The following LRRC7 variants were observed in gnomAD, a reference collection of about 807,000 sequenced individuals.
LRRC7 encodes the protein leucine rich repeat containing 7.
A neutral mutation model predicts 175.7 loss-of-function variants in LRRC7; 23 were observed. The ratio of observed to expected loss-of-function variants is 0.13; its 90% CI spans 0.09 to 0.19. The LOEUF is 0.19. LRRC7 is among the 10% of genes least tolerant of loss of function. The pLI, the probability that LRRC7 is intolerant of heterozygous loss-of-function variation, is 1.00. For missense variants in LRRC7, 1,354 were observed against 1,904.7 expected (o/e 0.71, Z 5.38); for synonymous variants, 685 against 680.9 (o/e 1.01, Z -0.09).
chr1:69,914,940 A>G (rs1469715788), intron 7 of LRRC7, among the ~76,000 whole-genome samples: 2 of 152,202 alleles, frequency 1.3e-5, no homozygotes, highest in African/African-American at 4.8e-5. Context: ...AGTGAACTGT[A>G]GAGCACATAT....
At chr1:69,682,671 T>C (rs758929431) in intron 2 of LRRC7, among the ~76,000 whole-genome samples, 1 of 152,134 alleles carries the variant, frequency 6.6e-6, no homozygotes, top group Non-Finnish European at 1.5e-5. Flanking sequence ...ATCTACCAAA[T>C]CTGCCAACAT....
chr1:69,655,546 T>C (rs1656486594), intron 1 of LRRC7, among the ~76,000 whole-genome samples: 1 of 152,100 alleles, frequency 6.6e-6, no homozygotes, highest in Non-Finnish European at 1.5e-5. Context: ...AGACTCCTAG[T>C]AACTTTGGCT....
At position 70,038,681 on chromosome 1, in the gene LRRC7, C is replaced by A. The variant is rs560442756; in HGVS notation, c.2857C>A (p.Arg953Ser). Residue 953 changes from arginine (R) to serine (S), a missense_variant, in exon 21 of 27, where the codon CGC becomes AGC. Arg to Ser is a moderately radical substitution (Grantham distance 110, BLOSUM62 -1). This residue lies in a region of LRRC7 where 1,032 missense variants were observed against 1,227.2 expected (regional missense o/e 0.84). Transcript: ENST00000651989. ...TAATGTCTTTTCTCAAATCCACTGC[C>A]GCCCGGAATCTTCTAAAGGTGTTAT... Reference protein sequence around the residue: ...LSNVFSQIHCRPESSKGVISI... With the variant: ...LSNVFSQIHCSPESSKGVISI... The A allele has an allele frequency of 1.2e-6, 2 of 1,614,076 alleles. No individual in the cohort carries two copies. Among genetic ancestry groups the A allele is most frequent in the South Asian group, 1.1e-5 (1 of 91,064 alleles).
chr1:69,815,096 T>C (rs1678429287), intron 4 of LRRC7, among the ~76,000 whole-genome samples: 1 of 152,156 alleles, frequency 6.6e-6, no homozygotes, highest in African/African-American at 2.4e-5. Flanking sequence ...ACTGATGCAA[T>C]CTAGACTGTG....
intron 25 of LRRC7, among the ~76,000 whole-genome samples, chr1:70,095,335 G>A (rs1664310553): frequency 6.6e-6 from 1 of 152,110 alleles, no homozygotes; most frequent in East Asian, 1.9e-4. Flanking sequence ...GATTACTTCA[G>A]CTGCATCTTA....
intron 26 of LRRC7, among the ~76,000 whole-genome samples, chr1:70,111,317 T>C (rs1665512331): frequency 6.6e-6 from 1 of 152,224 alleles, no homozygotes; most frequent in African/African-American, 2.4e-5. Flanking sequence ...ATGATGTTAA[T>C]TAAAACACAT....
At chr1:70,106,266 A>G (rs1235326802) in intron 25 of LRRC7, among the ~76,000 whole-genome samples, 1 of 152,170 alleles carries the variant, frequency 6.6e-6, no homozygotes, top group Non-Finnish European at 1.5e-5. Context: ...CATTTTTACT[A>G]TATACAAAAA....
intron 2 of LRRC7, among the ~76,000 whole-genome samples, chr1:69,679,679 G>A (rs977439391): frequency 1.3e-5 from 2 of 152,040 alleles, no homozygotes; most frequent in African/African-American, 2.4e-5. Context: ...GAAACACTTC[G>A]GGGTTTCTTC....
At chr1:70,004,183 C>T (rs544972889) in intron 11 of LRRC7, among the ~76,000 whole-genome samples, 25 of 152,106 alleles carry the variant, frequency 1.6e-4, no homozygotes, top group Non-Finnish European at 3.1e-4. Context: ...AATGCGTTTT[C>T]GTCATACTTT....
chr1:69,672,536 A>C (rs1659225410), intron 1 of LRRC7, among the ~76,000 whole-genome samples: 1 of 152,232 alleles, frequency 6.6e-6, no homozygotes, highest in Non-Finnish European at 1.5e-5. Flanking sequence ...TAAAATACAG[A>C]TGACATGGAT....
rs1386839910 is a variant in LRRC7, at chr1:69,647,819, T to C, written c.3-30562T>C. 2.6e-5 allele frequency among the ~76,000 whole-genome samples: 4 copies of C among 152,258 alleles called. No individual in the cohort carries two copies. In the East Asian group the frequency reaches 7.7e-4, roughly 29 times the overall value. On this transcript the variant is annotated intron_variant, in intron 1 of 26. Coordinates refer to ENST00000651989, the MANE Select transcript of LRRC7 (RefSeq NM_001370785.2). ...GACTACATGCTACATATGGGATGATTTTTTCAATTGATATATTATTTTATT... is the reference window on the plus strand; with the variant it reads ...GACTACATGCTACATATGGGATGATCTTTTCAATTGATATATTATTTTATT...
rs555408190 is a variant in LRRC7 at position 69,657,035 on chromosome 1, G to A, written c.3-21346G>A. ...ACAAGACATAAATATTTAATGAGAA[G>A]CAAAACATTATAATGTTTCATTTTA... On this transcript the variant is annotated intron_variant, in intron 1 of 26. Transcript: ENST00000651989. 2.6e-4 allele frequency among the ~76,000 whole-genome samples: 39 copies of A among 151,816 alleles called. No individual in the cohort carries two copies. In the South Asian group the frequency reaches 5.8e-3, roughly 23 times the overall value.
At chr1:69,635,793 A>G (rs955302858) in intron 1 of LRRC7, among the ~76,000 whole-genome samples, 5 of 151,980 alleles carry the variant, frequency 3.3e-5, no homozygotes, top group African/African-American at 1.2e-4. Context: ...GCAATTAAAG[A>G]TATATCAAAA....
In LRRC7 at chr1:70,106,915, C is replaced by A. The variant is rs114602856; in HGVS notation, c.4546-837C>A. Among the ~76,000 whole-genome samples, 978 of 152,284 alleles carry A rather than the reference C, an allele frequency of 6.4e-3. 4 individuals are homozygous for A. The highest frequency in any genetic ancestry group is 0.01 in the Non-Finnish European group (687 of 68,012). On this transcript the variant is annotated intron_variant, in intron 25 of 26. Transcript: ENST00000651989. ...ACACACAAATATAAGCTGGGTGCAA[C>A]ATATTTTTACAATCTGTTATACCTC...
chr1:70,090,919 A>G (rs983696504), intron 25 of LRRC7, among the ~76,000 whole-genome samples: 3 of 152,102 alleles, frequency 2.0e-5, no homozygotes, highest in African/African-American at 4.8e-5. Flanking sequence ...CTTGTTTCTT[A>G]TACTCTTCCT....
intron 1 of LRRC7, among the ~76,000 whole-genome samples, chr1:69,587,042 T>C (rs959940259): frequency 3.9e-5 from 6 of 152,322 alleles, no homozygotes; most frequent in African/African-American, 4.8e-5. Context: ...TGTACATGTT[T>C]GCATATCTAG....
intron 7 of LRRC7, among the ~76,000 whole-genome samples, chr1:69,889,624 C>G (rs192756150): frequency 6.6e-5 from 10 of 152,202 alleles, no homozygotes; most frequent in Admixed American, 5.9e-4. Context: ...CTGGGCAACA[C>G]GCCAAAGCTC....
In LRRC7 at chr1:69,618,056, C is replaced by T. The variant is rs531988885; in HGVS notation, c.2+49415C>T. 7.9e-5 allele frequency among the ~76,000 whole-genome samples: 12 copies of T among 152,176 alleles called. No homozygotes were observed. The East Asian group carries it at 1.5e-3, about 20-fold the overall frequency. On this transcript the variant is annotated intron_variant, in intron 1 of 26. Transcript: ENST00000651989. Reference sequence around the variant, plus strand: ...AGACAAAATGGGAAGATCCCTACTACGGTGGTGGTGGTTTAAGGGAGTGGT... The same window carrying T: ...AGACAAAATGGGAAGATCCCTACTATGGTGGTGGTGGTTTAAGGGAGTGGT...
chr1:69,928,714 C>G (rs993718660), intron 7 of LRRC7, among the ~76,000 whole-genome samples: 9 of 152,200 alleles, frequency 5.9e-5, no homozygotes, highest in Admixed American at 5.2e-4. Flanking sequence ...GTCTGTCACC[C>G]CTTTCTTTGA....
Sources: gnomAD v4.1 joint callset for allele counts (sites outside exome capture counted in the v4.1 genomes callset) on GRCh38, gnomAD v4.1.1 for gene constraint, gnomAD v4.1.1 regional missense constraint, MANE v1.5 for transcripts, NCBI Gene and HGNC (gene_info 2026-07-23, HGNC 2026-07-21) for gene names.